Variants in TMEM50B observed in about 807,000 individuals in gnomAD.
TMEM50B encodes HCV p7-trans-regulated protein 3.
A neutral mutation model predicts 23.4 loss-of-function variants in TMEM50B; 14 were observed. The observed-to-expected ratio is 0.60, with a 90% CI of 0.39 to 0.93. TMEM50B has a LOEUF of 0.93. Ranked by LOEUF, TMEM50B falls within the 40% of genes least tolerant of loss-of-function variation. The probability of loss-of-function intolerance (pLI) is 0.00; values close to 1 mark genes in which losing one functional copy is unlikely to be tolerated. For synonymous variants in TMEM50B, 64 were observed against 62.3 expected, an observed-to-expected ratio of 1.03 and a Z score of -0.13; for missense variants, 159 against 193.0, an observed-to-expected ratio of 0.82 and a Z score of 1.04.
At chr21:33,443,804 T>C (rs1015025439) in intron 7 of TMEM50B, among the ~76,000 whole-genome samples, 5 of 152,198 alleles carry the variant, frequency 3.3e-5, no homozygotes, top group African/African-American at 1.2e-4. Flanking sequence ...TGCAGCATGC[T>C]GCCAAACATT....
intron 6 of TMEM50B, among the ~76,000 whole-genome samples, chr21:33,451,512 G>C (rs1021945609): frequency 7.2e-5 from 11 of 152,148 alleles, no homozygotes; most frequent in Non-Finnish European, 1.5e-4. Context: ...TAGTTAGAGA[G>C]GTCAGGAAAG....
At chr21:33,448,485 CT>C (rs201745248), downstream of TMEM50B, among the ~76,000 whole-genome samples, 3 of 150,806 alleles carry the variant, frequency 2.0e-5, no homozygotes, top group Admixed American at 6.6e-5. Context: ...CAAAAAACAA[CT>C]TTTTTTTTTA....
chr21:33,447,337 C>A (rs910466370), downstream of TMEM50B, among the ~76,000 whole-genome samples: 2 of 60,992 alleles, frequency 3.3e-5, no homozygotes, highest in Admixed American at 3.4e-4. Flanking sequence ...TGGTGCACAC[C>A]TATAGTAGAC....
chr21:33,444,171 G>A (rs1295801220), downstream of TMEM50B, among the ~76,000 whole-genome samples: 2 of 36,306 alleles, frequency 5.5e-5, no homozygotes, highest in Admixed American at 3.8e-4. Context: ...AAAGCACTGA[G>A]ATATAGGCGT....
At chr21:33,474,864 T>C (rs535366102) in intron 1 of TMEM50B, among the ~76,000 whole-genome samples, 38 of 78,216 alleles carry the variant, frequency 4.9e-4, no homozygotes, top group African/African-American at 1.6e-3. Flanking sequence ...AAGAGAAAGA[T>C]AAACACAAAC....
chr21:33,458,276 G>A (rs2084187765), intron 5 of TMEM50B, among the ~76,000 whole-genome samples: 1 of 152,202 alleles, frequency 6.6e-6, no homozygotes, highest in Non-Finnish European at 1.5e-5. Context: ...CACTTTGGGA[G>A]GCTGAGGTGG....
In TMEM50B at chr21:33,464,804, C is replaced by CAAAA. The variant is rs59855166; in HGVS notation, c.280+534_280+537dup. Among the ~76,000 whole-genome samples, 76 of 100,882 alleles carry CAAAA rather than the reference C, an allele frequency of 7.5e-4. 1 individual carries two copies. Among genetic ancestry groups the CAAAA allele is most frequent in the Non-Finnish European group, 1.3e-3 (58 of 45,106 alleles). 66.2% of individuals were successfully genotyped at this position (100,882 alleles called of 152,430 possible). ...GGGAAAGAAGAGCTAAACTCCGTCT[C>CAAAA]AAAAAAAAAAAAAAAAAAAACAAAA... On this transcript the variant is annotated intron_variant, in intron 4 of 6. Transcript: ENST00000542230.
chr21:33,432,583 G>T, exon 9 of TMEM50B: 2 of 1,022,654 alleles, frequency 2.0e-6, no homozygotes, highest in Non-Finnish European at 1.5e-6. Flanking sequence ...CCAGGTGAGG[G>T]TGGGGGGTAG....
chr21:33,455,271 G>A (rs549002671), intron 6 of TMEM50B, among the ~76,000 whole-genome samples: 22 of 152,070 alleles, frequency 1.4e-4, no homozygotes, highest in African/African-American at 5.3e-4. Flanking sequence ...CCTCACTGCA[G>A]CCTCAACCTC....
intron 3 of TMEM50B, among the ~76,000 whole-genome samples, chr21:33,466,342 A>G (rs1010838149): frequency 6.6e-6 from 1 of 152,246 alleles, no homozygotes. Flanking sequence ...AAAGACATCC[A>G]TAAAAAGCTT....
intron 1 of TMEM50B, among the ~76,000 whole-genome samples, chr21:33,477,962 C>T (rs917466558): frequency 6.6e-6 from 1 of 150,548 alleles, no homozygotes; most frequent in Non-Finnish European, 1.5e-5. Context: ...GGTGAAAACC[C>T]GTCTTTACTA....
At chr21:33,455,906 G>T (rs1248771657) in intron 5 of TMEM50B, 122 bp from the exon 6 acceptor site, 2 of 771,558 alleles carry the variant, frequency 2.6e-6, no homozygotes, top group African/African-American at 1.7e-5. Flanking sequence ...TTCATTAACT[G>T]TAAGACATCT....
chr21:33,465,549 A>G, intron 3 of TMEM50B, 140 bp from the exon 4 acceptor site: 1 of 595,648 alleles, frequency 1.7e-6, no homozygotes, highest in Admixed American at 3.7e-5. Context: ...TTTTAACCTA[A>G]TAAAAATGCT....
At chr21:33,437,187 T>C (rs2083964616) in intron 8 of TMEM50B, 1 of 530,008 alleles carries the variant, frequency 1.9e-6, no homozygotes, top group Non-Finnish European at 3.4e-6. Context: ...TACGGAGATA[T>C]CCCAGGAAAA....
chr21:33,470,439 A>G (rs2123453516), intron 1 of TMEM50B, among the ~76,000 whole-genome samples: 1 of 150,988 alleles, frequency 6.6e-6, no homozygotes, highest in South Asian at 2.1e-4. Context: ...AAAAAAAAAA[A>G]AAAAAAAATC....
chr21:33,462,173 T>C (rs1217392757), intron 4 of TMEM50B, among the ~76,000 whole-genome samples: 2 of 152,164 alleles, frequency 1.3e-5, no homozygotes, highest in African/African-American at 4.8e-5. Flanking sequence ...ATTATTTTGA[T>C]ACTTTCCTAT....
chr21:33,441,926 C>T (rs564571960), intron 7 of TMEM50B, among the ~76,000 whole-genome samples: 151 of 152,234 alleles, frequency 9.9e-4, no homozygotes, highest in African/African-American at 3.4e-3. Flanking sequence ...CCACCACGCC[C>T]GGCCTTGTGA....
chr21:33,462,907 G>A (rs2084230167), intron 4 of TMEM50B, among the ~76,000 whole-genome samples: 1 of 152,130 alleles, frequency 6.6e-6, no homozygotes, highest in Non-Finnish European at 1.5e-5. Flanking sequence ...TTAAACTTAG[G>A]CTCATCTGTC....
intron 8 of TMEM50B, among the ~76,000 whole-genome samples, chr21:33,438,895 A>C (rs1028565030): frequency 2.6e-5 from 4 of 151,590 alleles, no homozygotes; most frequent in African/African-American, 9.7e-5. Flanking sequence ...ATGCCTGGCT[A>C]ATTTTTGTAT....
Sources: gnomAD v4.1 joint callset for allele counts (sites outside exome capture counted in the v4.1 genomes callset) on GRCh38, gnomAD v4.1.1 for gene constraint, MANE v1.5 for transcripts, NCBI Gene and HGNC (gene_info 2026-07-23, HGNC 2026-07-21) for gene names.